Variants in MSI2 observed in about 807,000 individuals in gnomAD.
MSI2 encodes the protein RNA-binding protein Musashi homolog 2.
In MSI2, 17 loss-of-function variants were observed where a neutral mutation model predicts 45.6. The observed-to-expected ratio is 0.37, with a 90% CI of 0.26 to 0.56. The LOEUF (loss-of-function observed/expected upper bound fraction) is 0.56, where lower values mean the gene tolerates loss of function less well. Ranked by LOEUF, MSI2 falls within the 20% of genes least tolerant of loss-of-function variation. The pLI is 0.77. For synonymous variants in MSI2, 156 were observed against 158.2 expected (o/e 0.99, Z 0.11); for missense variants, 293 against 444.2 (o/e 0.66, Z 3.06).
At chr17:57,319,880 C>T (rs1248576762) in intron 5 of MSI2, among the ~76,000 whole-genome samples, 1 of 152,110 alleles carries the variant, frequency 6.6e-6, no homozygotes, top group African/African-American at 2.4e-5. Context: ...TCCCAAAGTG[C>T]TGGGGTTATA....
At chr17:57,448,718 T>C (rs565834347) in intron 6 of MSI2, 2 of 152,292 alleles carry the variant, frequency 1.3e-5, no homozygotes, top group East Asian at 3.9e-4. Context: ...TATTGGACTT[T>C]TGTTGTTTGT....
At chr17:57,466,809 G>A (rs370632548) in intron 6 of MSI2, among the ~76,000 whole-genome samples, 3 of 151,440 alleles carry the variant, frequency 2.0e-5, no homozygotes, top group East Asian at 1.9e-4. Context: ...GGTTGCTGTC[G>A]GCAACATTTA....
Position 57,407,069 on chromosome 17 carries a change from G to A in MSI2, c.405+5598G>A, listed in dbSNP as rs374420829. On this transcript the variant is annotated intron_variant, in intron 6 of 13. Transcript: ENST00000284073. This position sits in a 1 kb window ranked among gnomAD's most constrained non-coding sequence, Gnocchi z 4.1. ...AAGGGTCCTTGGAGCCCTTTGTGTC[G>A]GATTGGGGTTGTGTGGGGGCCCATA... 6 of 152,174 alleles carry A rather than the reference G, an allele frequency of 3.9e-5. No individual in the cohort carries two copies. The East Asian group carries it at 5.8e-4, about 15-fold the overall frequency. 9.4% of individuals were successfully genotyped at this position (152,174 alleles called of 1,614,324 possible).
chr17:57,625,566 T>C (rs1908720863), intron 9 of MSI2: 1 of 152,140 alleles, frequency 6.6e-6, no homozygotes, highest in Non-Finnish European at 1.5e-5. Context: ...CCCAGAGCTG[T>C]GTGTAGGGAT....
chr17:57,685,394 G>A (rs748499884), downstream of MSI2: 1 of 152,202 alleles, frequency 6.6e-6, no homozygotes, highest in Non-Finnish European at 1.5e-5. Flanking sequence ...GGGATGAAGC[G>A]TGGATGAAGG....
chr17:57,419,361 ATT>A (rs1297369395), intron 6 of MSI2, among the ~76,000 whole-genome samples: 1 of 76,784 alleles, frequency 1.3e-5, no homozygotes, highest in African/African-American at 4.7e-5. Context: ...CAATTATTAC[ATT>A]TTTCTTTTTT....
At chr17:57,653,430 C>A (rs1466473740) in intron 11 of MSI2, among the ~76,000 whole-genome samples, 5 of 152,148 alleles carry the variant, frequency 3.3e-5, no homozygotes, top group Non-Finnish European at 2.9e-5. Context: ...TTCTGCTCAC[C>A]ACAGCCAGTG....
chr17:57,540,868 G>A (rs553470002), intron 7 of MSI2, among the ~76,000 whole-genome samples: 8 of 152,200 alleles, frequency 5.3e-5, no homozygotes, highest in Non-Finnish European at 8.8e-5. Flanking sequence ...AGCTTGTTAT[G>A]GCAGCCCTAG....
At chr17:57,261,562 C>T (rs1907310277) in intron 4 of MSI2, among the ~76,000 whole-genome samples, 1 of 151,984 alleles carries the variant, frequency 6.6e-6, no homozygotes. Flanking sequence ...TCCTGGGTAA[C>T]TTTACTTTTG....
At chr17:57,420,154 C>A (rs1439992877) in intron 6 of MSI2, among the ~76,000 whole-genome samples, 1 of 152,182 alleles carries the variant, frequency 6.6e-6, no homozygotes, top group South Asian at 2.1e-4. Context: ...AGTCAGGTTG[C>A]ACCTCTAGGG....
intron 5 of MSI2, among the ~76,000 whole-genome samples, chr17:57,357,143 G>A (rs965660075): frequency 1.3e-5 from 2 of 152,006 alleles, no homozygotes; most frequent in African/African-American, 2.4e-5. Context: ...CTCTGGCCCC[G>A]TTTCTCCTTG....
chr17:57,270,802 G>A (rs1598051581), intron 5 of MSI2, among the ~76,000 whole-genome samples: 1 of 152,124 alleles, frequency 6.6e-6, no homozygotes, highest in African/African-American at 2.4e-5. Flanking sequence ...CATCATCAGG[G>A]GACCTTATAA....
chr17:57,293,769 C>T (rs1178568889), intron 5 of MSI2, among the ~76,000 whole-genome samples: 7 of 151,726 alleles, frequency 4.6e-5, no homozygotes, highest in South Asian at 2.1e-4. Flanking sequence ...CCACCACACC[C>T]GGCTAATTTT....
At chr17:57,640,065 T>G (rs1175640631) in intron 10 of MSI2, among the ~76,000 whole-genome samples, 1 of 152,170 alleles carries the variant, frequency 6.6e-6, no homozygotes, top group Non-Finnish European at 1.5e-5. Context: ...AAGGCTCCTC[T>G]GGTCCAGCCC....
intron 7 of MSI2, among the ~76,000 whole-genome samples, chr17:57,559,061 TA>T (rs1250096015): frequency 6.6e-6 from 1 of 150,992 alleles, no homozygotes; most frequent in Non-Finnish European, 1.5e-5. Context: ...AGACTCCATC[TA>T]AAAAAAAAGA....
At chr17:57,455,102 T>C (rs1482539760) in intron 6 of MSI2, among the ~76,000 whole-genome samples, 4 of 152,196 alleles carry the variant, frequency 2.6e-5, no homozygotes, top group African/African-American at 7.2e-5. Flanking sequence ...TGGGAGATGC[T>C]CAGTGACTTC....
rs1913482685 is a variant in MSI2, at chr17:57,679,665, C to T, written c.*148C>T. 2.0e-6 allele frequency: 2 copies of T among 990,218 alleles called. No individual in the cohort carries two copies. The highest frequency in any genetic ancestry group is 5.4e-5 in the Admixed American group (1 of 18,602). The allele number at this position is 990,218 out of a possible 1,614,324, so 61.3% of individuals were successfully genotyped here. A position where few individuals can be genotyped will look rare whatever the true frequency, so the allele number is the denominator to read the frequency against. On this transcript the variant is annotated 3_prime_UTR_variant, in exon 14 of 14. Coordinates refer to ENST00000284073, the MANE Select transcript of MSI2 (RefSeq NM_138962.4). ...CACTCCCCATCCCAACCAGAGATGG[C>T]TCACTTCGGATCGAGGGTTGACTAC...
rs1227899104 is a variant in MSI2, at chr17:57,652,083, T to C, written c.728-16T>C. The C allele has an allele frequency of 1.2e-6, 2 of 1,613,504 alleles. No individual in the cohort carries two copies. The highest frequency in any genetic ancestry group is 1.7e-5 in the Admixed American group (1 of 60,018). On this transcript the variant is annotated splice_polypyrimidine_tract_variant and intron_variant, in intron 10 of 13. Transcript: ENST00000284073. This position sits in a 1 kb window ranked among gnomAD's most constrained non-coding sequence, Gnocchi z 4.1. Reference sequence around the variant, plus strand: ...AGGATTCCTCCATGACTCAGGCTCCTCTCTCTCCTGACCAGGCTTCCCAGC... The same window carrying C: ...AGGATTCCTCCATGACTCAGGCTCCCCTCTCTCCTGACCAGGCTTCCCAGC...
intron 7 of MSI2, among the ~76,000 whole-genome samples, chr17:57,558,911 A>C (rs930618531): frequency 6.6e-6 from 1 of 152,118 alleles, no homozygotes; most frequent in African/African-American, 2.4e-5. Flanking sequence ...AAATACAAAA[A>C]AAACAGCGAG....
Sources: allele counts gnomAD v4.1 joint callset (sites outside exome capture counted in the v4.1 genomes callset), GRCh38; gene constraint gnomAD v4.1.1; non-coding constraint Gnocchi (gnomAD v3.1); transcripts MANE v1.5; gene names NCBI Gene and HGNC (gene_info 2026-07-23, HGNC 2026-07-21).